The following MTOR variants were observed in gnomAD, a reference collection of about 807,000 sequenced individuals.
MTOR encodes the protein serine/threonine-protein kinase mTOR.
MTOR carries 70 observed loss-of-function variants against 319.8 expected under a neutral mutation model. That is an observed-to-expected ratio of 0.22 (90% CI 0.18 to 0.27). MTOR has a LOEUF of 0.27. MTOR is among the 10% of genes least tolerant of loss of function. The pLI is 1.00. For missense variants in MTOR, 1,890 were observed against 3,274.4 expected (o/e 0.58, Z 10.32); for synonymous variants, 1,183 against 1,211.4 (o/e 0.98, Z 0.49).
At chr1:11,237,754 T>A (rs1647406964) in intron 13 of MTOR, 89 bp downstream of exon 13, 1 of 1,417,820 alleles carries the variant, frequency 7.1e-7, no homozygotes, top group African/African-American at 1.4e-5. Flanking sequence ...TTCTCCCCCA[T>A]CCTTGTCCTC....
At chr1:11,235,193 C>T (rs765029069) in intron 13 of MTOR, among the ~76,000 whole-genome samples, 1 of 152,300 alleles carries the variant, frequency 6.6e-6, no homozygotes, top group East Asian at 1.9e-4. Context: ...ATGTGCCTCA[C>T]GGAGCAGAGC....
At chr1:11,202,379 C>T (rs1646000679) in intron 26 of MTOR, among the ~76,000 whole-genome samples, 1 of 144,714 alleles carries the variant, frequency 6.9e-6, no homozygotes, top group Non-Finnish European at 1.5e-5. Flanking sequence ...CAAGATCGCG[C>T]CACTGCACTC....
At chr1:11,113,822 T>C (rs1642017698) in intron 53 of MTOR, among the ~76,000 whole-genome samples, 1 of 152,150 alleles carries the variant, frequency 6.6e-6, no homozygotes. Flanking sequence ...CATCTTGAAC[T>C]GCAATTCGAA....
chr1:11,109,276 C>G lies in MTOR; in HGVS notation c.7528+14G>C, dbSNP rs2100286204. 3.7e-6 allele frequency: 6 copies of G among 1,611,944 alleles called. No individual in the cohort carries two copies. Among genetic ancestry groups the G allele is most frequent in the Non-Finnish European group, 5.1e-6 (6 of 1,178,718 alleles). ...ATTTTATGTCCCTTTTAAGTAAACACATGACACACTCACCAGTGAGCTTAT... is the reference window on the plus strand; with the variant it reads ...ATTTTATGTCCCTTTTAAGTAAACAGATGACACACTCACCAGTGAGCTTAT... On this transcript the variant is annotated intron_variant, in intron 56 of 57. Coordinates refer to ENST00000361445, the MANE Select transcript of MTOR (RefSeq NM_004958.4). This position sits in a 1 kb window ranked among gnomAD's most constrained non-coding sequence, Gnocchi z 4.0.
At chr1:11,163,572 T>C (rs1337484030) in intron 29 of MTOR, among the ~76,000 whole-genome samples, 2 of 152,212 alleles carry the variant, frequency 1.3e-5, no homozygotes, top group Non-Finnish European at 2.9e-5. Context: ...ACAGAAATTA[T>C]AACAAACTGT....
chr1:11,248,199 A>G, intron 6 of MTOR, 105 bp from the exon 7 acceptor site: 3 of 1,207,632 alleles, frequency 2.5e-6, no homozygotes, highest in Non-Finnish European at 3.5e-6. Context: ...CCGAAACGCA[A>G]CTACTTCCAA....
intron 46 of MTOR, 55 bp downstream of exon 46, chr1:11,126,567 T>A (rs1642850209): frequency 6.4e-7 from 1 of 1,565,724 alleles, no homozygotes; most frequent in Non-Finnish European, 8.7e-7. Flanking sequence ...AGGGAAGGGG[T>A]CTCAGCCAGT....
chr1:11,215,849 G>T (rs1009856739), intron 20 of MTOR, among the ~76,000 whole-genome samples: 1 of 152,186 alleles, frequency 6.6e-6, no homozygotes, highest in Admixed American at 6.5e-5. Flanking sequence ...GCACCCTTGT[G>T]ATATTAAAGT....
rs1569856902 is a variant in MTOR at position 11,259,481 on chromosome 1, T to C, written c.-14-58A>G. On this transcript the variant is annotated intron_variant, in intron 1 of 57. Coordinates refer to ENST00000361445, the MANE Select transcript of MTOR (RefSeq NM_004958.4). ...TAAGAAAGTATGATGATAAATTTAC[T>C]TATGGCCCTGGTCACCCAACACAGA... is the stretch of plus-strand genomic sequence containing the variant. 1.1e-5 allele frequency: 17 copies of C among 1,494,852 alleles called. No individual in the cohort carries two copies. The East Asian group carries it at 3.9e-4, about 34-fold the overall frequency. 92.6% of individuals were successfully genotyped at this position (1,494,852 alleles called of 1,614,324 possible). A position where few individuals can be genotyped will look rare whatever the true frequency, so the allele number is the denominator to read the frequency against.
chr1:11,210,681 C>T, intron 24 of MTOR, 133 bp downstream of exon 24: 1 of 640,944 alleles, frequency 1.6e-6, no homozygotes, highest in South Asian at 2.0e-5. Context: ...ACATAGTCTA[C>T]AAAACTGGAA....
At position 11,130,598 on chromosome 1, in the gene MTOR, G is replaced by A. The variant is rs2100430665; in HGVS notation, c.5544C>T (p.Asn1848=). The part of the protein sequence containing the change: ...ATTTASTEGS[N]SESEAESTEN... The stretch of plus-strand genomic sequence containing the variant: ...CGGTGCTCTCGGCCTCGCTCTCACT[G>A]TTGCTGCCCTCGGTGCTGGCAGTGG... The change falls in exon 39 of 58, where the codon AAC becomes AAT. Residue 1848 remains asparagine, a synonymous_variant. Coordinates refer to ENST00000361445, the MANE Select transcript of MTOR (RefSeq NM_004958.4). The A allele has an allele frequency of 6.2e-7, 1 of 1,613,966 alleles. No individual in the cohort carries two copies. Among genetic ancestry groups the A allele is most frequent in the Non-Finnish European group, 8.5e-7 (1 of 1,180,016 alleles).
At chr1:11,257,863 A>G (rs12140258) in intron 3 of MTOR, among the ~76,000 whole-genome samples, 9,110 of 151,918 alleles carry the variant, frequency 0.06, 377 homozygotes, top group South Asian at 0.12. Context: ...TAATCCCAGC[A>G]CTCTGGGAGG....
rs367774843 is a variant in MTOR at position 11,114,800 on chromosome 1, G to A, written c.7164+13C>T. On this transcript the variant is annotated intron_variant, in intron 52 of 57. Coordinates refer to ENST00000361445, the MANE Select transcript of MTOR (RefSeq NM_004958.4). Reference sequence around the variant, plus strand: ...TCCCATTTGGAAGCAGCTCGTTCCCGATATCCACTCACCTCCATAGCATTG... The same window carrying A: ...TCCCATTTGGAAGCAGCTCGTTCCCAATATCCACTCACCTCCATAGCATTG... 1.9e-5 allele frequency: 31 copies of A among 1,613,116 alleles called. No homozygotes were observed. The highest frequency in any genetic ancestry group is 5.3e-5 in the African/African-American group (4 of 74,896).
chr1:11,129,872 G>A lies in MTOR; in HGVS notation c.5614-34C>T. 1 of 1,584,564 alleles carries A rather than the reference G, an allele frequency of 6.3e-7. No homozygotes were observed. Among genetic ancestry groups the A allele is most frequent in the South Asian group, 1.1e-5 (1 of 90,056 alleles). ...ACACACACGTGTTAGCGACACTCTT[G>A]CCTCTGCTTTCTCATCTGTAAAATG... On this transcript the variant is annotated intron_variant, in intron 39 of 57. Coordinates refer to ENST00000361445, the MANE Select transcript of MTOR (RefSeq NM_004958.4). This position sits in a 1 kb window ranked among gnomAD's most constrained non-coding sequence, Gnocchi z 4.7.
rs750386954 is a variant in MTOR, at chr1:11,130,736, T to C, written c.5406A>G (p.Leu1802=). 5.7e-6 allele frequency: 9 copies of C among 1,588,580 alleles called. No homozygotes were observed. The South Asian group carries it at 9.1e-5, about 16-fold the overall frequency. Residue 1802 remains leucine (L), a synonymous_variant, in exon 39 of 58, where the codon CTA becomes CTG. Transcript: ENST00000361445. ...AWAVMNFEAV[L]HYKHQNQARD... ...GGGCTTGGTTCTGATGTTTGTAGTG[T>C]AGCACAGCTTCGAAGTTCATCACTG...
chr1:11,242,128 C>T (rs989503587), intron 9 of MTOR, among the ~76,000 whole-genome samples: 8 of 152,064 alleles, frequency 5.3e-5, no homozygotes, highest in Non-Finnish European at 1.0e-4. Context: ...CTCTGGGAGG[C>T]GGAGGTGGGT....
chr1:11,189,977 G>A, intron 28 of MTOR: 1 of 1,584,182 alleles, frequency 6.3e-7, no homozygotes, highest in South Asian at 1.2e-5. Flanking sequence ...AGTCCCCTGA[G>A]GGAGCGTGGA....
At chr1:11,233,975 G>T (rs1647107848) in intron 14 of MTOR, among the ~76,000 whole-genome samples, 168 bp downstream of exon 14, 1 of 152,130 alleles carries the variant, frequency 6.6e-6, no homozygotes, top group African/African-American at 2.4e-5. Flanking sequence ...AAGATTCTTG[G>T]TATTCTTTAA....
intron 9 of MTOR, 37 bp downstream of exon 9, chr1:11,243,077 A>C (rs769396316): frequency 6.2e-7 from 1 of 1,605,894 alleles, no homozygotes; most frequent in Non-Finnish European, 8.5e-7. Flanking sequence ...CTCCAACCAA[A>C]TGGAGTGGAA....
Sources: allele counts gnomAD v4.1 joint callset (sites outside exome capture counted in the v4.1 genomes callset), GRCh38; gene constraint gnomAD v4.1.1; non-coding constraint Gnocchi (gnomAD v3.1); transcripts MANE v1.5; gene names NCBI Gene and HGNC (gene_info 2026-07-23, HGNC 2026-07-21).